The following IPO11 variants were observed in gnomAD, a reference collection of about 807,000 sequenced individuals.
IPO11 encodes the protein importin-11.
In IPO11, 66 loss-of-function variants were observed where a neutral mutation model predicts 143.2. The observed-to-expected ratio is 0.46, with a 90% CI of 0.38 to 0.57. The LOEUF is 0.57. Among genes scored for constraint, IPO11 ranks in the 20% least tolerant of loss-of-function variants. The pLI is 0.00. For missense variants in IPO11, 1,026 were observed against 1,141.0 expected, an observed-to-expected ratio of 0.90 and a Z score of 1.45; for synonymous variants, 385 against 377.8, an observed-to-expected ratio of 1.02 and a Z score of -0.22.
At chr5:62,577,041 G>A (rs1744339474) in intron 27 of IPO11, among the ~76,000 whole-genome samples, 1 of 152,324 alleles carries the variant, frequency 6.6e-6, no homozygotes, top group East Asian at 1.9e-4. Flanking sequence ...AAGAGGTTGA[G>A]CGTAGTGTTC....
intron 1 of IPO11, among the ~76,000 whole-genome samples, chr5:62,415,204 C>G (rs1225170680): frequency 2.0e-5 from 3 of 152,144 alleles, no homozygotes; most frequent in Non-Finnish European, 4.4e-5. Flanking sequence ...CTCACTGTCA[C>G]CTAGGCTGGA....
At chr5:62,524,576 C>A (rs909059821) in intron 20 of IPO11, among the ~76,000 whole-genome samples, 3 of 152,188 alleles carry the variant, frequency 2.0e-5, no homozygotes, top group Admixed American at 2.0e-4. Flanking sequence ...ATGTACTACT[C>A]TGTTAAATAA....
At chr5:62,598,526 CTTT>C (rs371433782) in intron 28 of IPO11, among the ~76,000 whole-genome samples, 3 of 4,822 alleles carry the variant, frequency 6.2e-4, no homozygotes, top group African/African-American at 4.2e-3. Context: ...TTCTTTCTTT[CTTT>C]TCTTTCTTTT....
chr5:62,495,382 A>G (rs1561334403), intron 16 of IPO11, among the ~76,000 whole-genome samples: 1 of 152,192 alleles, frequency 6.6e-6, no homozygotes, highest in African/African-American at 2.4e-5. Flanking sequence ...TGTCAAAGAG[A>G]AGATATTAAA....
rs141857298 is a variant in IPO11 at position 62,438,789 on chromosome 5, G to C, written c.138+1372G>C. On this transcript the variant is annotated intron_variant, in intron 2 of 29. Coordinates refer to ENST00000325324, the MANE Select transcript of IPO11 (RefSeq NM_016338.5). ...GGGGGGAGCAGCGGGGCCAGGTGTG[G>C]TGGCTTATGCCTGTCATCCCAGCAC... 8.1e-4 allele frequency among the ~76,000 whole-genome samples: 123 copies of C among 151,980 alleles called. 1 individual carries two copies. Among genetic ancestry groups the C allele is most frequent in the African/African-American group, 2.7e-3 (113 of 41,458 alleles).
intron 29 of IPO11, among the ~76,000 whole-genome samples, chr5:62,612,903 A>G (rs1745979228): frequency 6.6e-6 from 1 of 152,244 alleles, no homozygotes; most frequent in Non-Finnish European, 1.5e-5. Flanking sequence ...TACTTCTAAA[A>G]GTTTGTAAGT....
intron 27 of IPO11, among the ~76,000 whole-genome samples, chr5:62,563,483 G>A (rs1282517896): frequency 6.6e-6 from 1 of 152,094 alleles, no homozygotes; most frequent in Non-Finnish European, 1.5e-5. Context: ...TATTATGTAA[G>A]TGTGTGGTTG....
At chr5:62,549,062 T>G (rs533626025) in intron 24 of IPO11, among the ~76,000 whole-genome samples, 7 of 151,072 alleles carry the variant, frequency 4.6e-5, no homozygotes, top group Non-Finnish European at 8.8e-5. Flanking sequence ...TTTCCATGTT[T>G]ATCTTTTTTC....
At chr5:62,599,204 G>A (rs902215877) in intron 28 of IPO11, among the ~76,000 whole-genome samples, 5 of 152,188 alleles carry the variant, frequency 3.3e-5, no homozygotes, top group East Asian at 1.9e-4. Flanking sequence ...TTTGAGAATC[G>A]CTGATATTGG....
At chr5:62,516,112 A>C (rs1305003326) in intron 20 of IPO11, among the ~76,000 whole-genome samples, 2 of 152,160 alleles carry the variant, frequency 1.3e-5, no homozygotes, top group Admixed American at 1.3e-4. Flanking sequence ...TGCTCAAGTG[A>C]TTTTACTGAC....
chr5:62,511,809 C>T (rs1333943364), intron 19 of IPO11, among the ~76,000 whole-genome samples: 30 of 149,174 alleles, frequency 2.0e-4, no homozygotes, highest in Non-Finnish European at 4.0e-4. Context: ...AGGCTTTTAA[C>T]ATGAACAGAT....
chr5:62,577,089 A>G (rs900494871), intron 27 of IPO11, among the ~76,000 whole-genome samples: 5 of 152,230 alleles, frequency 3.3e-5, no homozygotes, highest in African/African-American at 1.2e-4. Context: ...TCAGAAAAGG[A>G]TAATGAGGAA....
intron 5 of IPO11, among the ~76,000 whole-genome samples, chr5:62,458,735 T>C (rs979216938): frequency 1.3e-5 from 2 of 152,168 alleles, no homozygotes; most frequent in Non-Finnish European, 2.9e-5. Flanking sequence ...AAAAGAACTT[T>C]TTGGTGGGAA....
intron 1 of IPO11, among the ~76,000 whole-genome samples, chr5:62,421,737 GAA>G (rs1006302349): frequency 1.3e-5 from 2 of 152,182 alleles, no homozygotes; most frequent in African/African-American, 4.8e-5. Flanking sequence ...ACAACTGAGA[GAA>G]AAATTATTTT....
intron 1 of IPO11, among the ~76,000 whole-genome samples, chr5:62,416,265 C>A (rs76081466): frequency 0.095 from 14,272 of 150,322 alleles, 847 homozygotes; most frequent in East Asian, 0.26. Context: ...TCACTGCAAC[C>A]TCCGCCTTCC....
At chr5:62,620,386 G>A (rs888127153) in intron 29 of IPO11, among the ~76,000 whole-genome samples, 1 of 152,064 alleles carries the variant, frequency 6.6e-6, no homozygotes, top group South Asian at 2.1e-4. Flanking sequence ...GGGTGTGGTG[G>A]CGGGTGCCTG....
chr5:62,485,581 T>G, intron 12 of IPO11, 119 bp downstream of exon 12: 3 of 821,912 alleles, frequency 3.7e-6, no homozygotes, highest in Non-Finnish European at 5.8e-6. Flanking sequence ...GGCTCACACT[T>G]TAATCCTAGC....
At chr5:62,504,970 A>G in intron 18 of IPO11, 72 bp downstream of exon 18, 1 of 821,310 alleles carries the variant, frequency 1.2e-6, no homozygotes, top group East Asian at 2.7e-5. Flanking sequence ...ACTATTTTAT[A>G]CATGAAATTA....
chr5:62,471,815 A>G (rs1745781260), intron 7 of IPO11, among the ~76,000 whole-genome samples: 1 of 152,238 alleles, frequency 6.6e-6, no homozygotes. Context: ...CTGTTGACGG[A>G]CATACAGGTT....
Sources: allele counts gnomAD v4.1 joint callset (sites outside exome capture counted in the v4.1 genomes callset), GRCh38; gene constraint gnomAD v4.1.1; transcripts MANE v1.5; gene names NCBI Gene and HGNC (gene_info 2026-07-23, HGNC 2026-07-21).